PGLYRP2: variants seen among roughly 807,000 people sequenced by gnomAD.
The protein encoded by PGLYRP2 is N-acetylmuramoyl-L-alanine amidase.
In PGLYRP2, 38 loss-of-function variants were observed where a neutral mutation model predicts 46.2. That is an observed-to-expected ratio of 0.82 (90% confidence interval 0.64 to 1.08). The LOEUF is 1.08. Ranked by LOEUF, PGLYRP2 falls within the 50% of genes least tolerant of loss-of-function variation. The probability of loss-of-function intolerance (pLI) is 0.00; values close to 1 mark genes in which losing one functional copy is unlikely to be tolerated. For missense variants in PGLYRP2, 713 were observed against 755.9 expected (o/e 0.94, Z 0.67); for synonymous variants, 289 against 329.4 (o/e 0.88, Z 1.33).
chr19:15,472,016 A>C lies in PGLYRP2; in HGVS notation c.1217T>G (p.Phe406Cys). 1 of 1,613,398 alleles carries C rather than the reference A, an allele frequency of 6.2e-7. No homozygotes were observed. Among genetic ancestry groups the C allele is most frequent in the Non-Finnish European group, 8.5e-7 (1 of 1,179,954 alleles). The change falls in exon 3 of 5, where the codon TTC (phenylalanine) becomes TGC (cysteine). Residue 406 changes from phenylalanine (F) to cysteine (C), a missense_variant. Transcript: ENST00000340880. ...CACGTAGGTGTGATGCACGTACAAGAATCCCAGCGGCAGCTGCAGCAGCTT... is the reference window on the plus strand; with the variant it reads ...CACGTAGGTGTGATGCACGTACAAGCATCCCAGCGGCAGCTGCAGCAGCTT... ...RPKLLQLPLG[F>C]LYVHHTYVPA...
In PGLYRP2 at chr19:15,476,306, C is replaced by T. The variant is rs749044669; in HGVS notation, c.364G>A (p.Glu122Lys). Residue 122 changes from glutamate to lysine, a missense_variant, in exon 2 of 5, where the codon GAG becomes AAG. Glu to Lys is a moderately conservative substitution (Grantham distance 56, BLOSUM62 1). Coordinates refer to ENST00000340880, the MANE Select transcript of PGLYRP2 (RefSeq NM_052890.4). ...LAPDGSTVAVEPLLAGLEAGL... is the reference protein window; with the variant it reads ...LAPDGSTVAVKPLLAGLEAGL... ...GCCTCCAGCCCCGCCAGCAGAGGCT[C>T]CACAGCCACGGTCGAGCCATCAGGT... 3 of 1,614,220 alleles carry T rather than the reference C, an allele frequency of 1.9e-6. No homozygotes were observed. The highest frequency in any genetic ancestry group is 2.2e-5 in the South Asian group (2 of 91,088).
Position 15,472,074 on chromosome 19 carries a change from G to T in PGLYRP2, c.1159C>A (p.Arg387Ser). ...CCCCGATAAGGCGCCGCTCCCCAGC[G>T]GCAGCGGGGGTGGATGGCCGGGCAT... is the stretch of plus-strand genomic sequence containing the variant. Reference protein sequence around the residue: ...LGCPAIHPRCRWGAAPYRGRP... With the variant: ...LGCPAIHPRCSWGAAPYRGRP... The change falls in exon 3 of 5, where the codon CGC becomes AGC. Residue 387 changes from arginine (R) to serine (S), a missense_variant. Coordinates refer to ENST00000340880, the MANE Select transcript of PGLYRP2 (RefSeq NM_052890.4). 1.9e-6 allele frequency: 3 copies of T among 1,605,172 alleles called. No homozygotes were observed. The highest frequency in any genetic ancestry group is 2.5e-6 in the Non-Finnish European group (3 of 1,179,718).
chr19:15,476,440 T>C lies in PGLYRP2; in HGVS notation c.230A>G (p.Asn77Ser). The change falls in exon 2 of 5, where the codon AAT becomes AGT. Residue 77 changes from asparagine (N) to serine (S), a missense_variant. Physicochemically the swap from Asn to Ser is conservative, Grantham distance 46. Coordinates refer to ENST00000340880, the MANE Select transcript of PGLYRP2 (RefSeq NM_052890.4). ...TGGGCAGGGATCCAACTCTGTAGCATTGAGGCTCCATGCCCCCAGCAGGAA... is the reference window on the plus strand; with the variant it reads ...TGGGCAGGGATCCAACTCTGTAGCACTGAGGCTCCATGCCCCCAGCAGGAA... Reference protein sequence around the residue: ...YHFLLGAWSLNATELDPCPLS... With the variant: ...YHFLLGAWSLSATELDPCPLS... The C allele has an allele frequency of 3.1e-6, 5 of 1,614,126 alleles. No individual in the cohort carries two copies. In the East Asian group the frequency reaches 8.9e-5, roughly 29 times the overall value.
chr19:15,477,726 T>TTAAAATAAAATAAAAAAAAA (rs1970811268), intron 1 of PGLYRP2, among the ~76,000 whole-genome samples: 1 of 144,304 alleles, frequency 6.9e-6, no homozygotes, highest in Non-Finnish European at 1.5e-5. Context: ...TAAAATTAAA[T>TTAAAATAAAATAAAAAAAAA]TAAAATAAAA....
chr19:15,477,316 A>G (rs1159974457), intron 1 of PGLYRP2, among the ~76,000 whole-genome samples: 2 of 149,152 alleles, frequency 1.3e-5, no homozygotes, highest in East Asian at 2.0e-4. Context: ...TCACTTGAAC[A>G]TGGGAGGTGG....
intron 3 of PGLYRP2, among the ~76,000 whole-genome samples, chr19:15,470,301 T>C (rs113920547): frequency 4.1e-3 from 348 of 84,514 alleles, no homozygotes; most frequent in Non-Finnish European, 7.3e-3. Context: ...TCCTTCTTTC[T>C]TTCTTTCTTT....
chr19:15,478,582 T>C (rs1375652892), intron 1 of PGLYRP2, among the ~76,000 whole-genome samples: 1 of 151,762 alleles, frequency 6.6e-6, no homozygotes. Context: ...TTAAGTTACC[T>C]GCCTAAGGTC....
chr19:15,475,730 A>T lies in PGLYRP2; in HGVS notation c.940T>A (p.Phe314Ile). 1 of 1,613,880 alleles carries T rather than the reference A, an allele frequency of 6.2e-7. No individual in the cohort carries two copies. The highest frequency in any genetic ancestry group is 8.5e-7 in the Non-Finnish European group (1 of 1,179,904). Residue 314 changes from phenylalanine (F) to isoleucine (I), a missense_variant, in exon 2 of 5, where the codon TTC becomes ATC. Phe to Ile is a conservative substitution (Grantham distance 21). Transcript: ENST00000340880. ...YGAGVARDPG[F>I]RSNFRRQNGA... ...TTCTGCCGTCGGAAGTTGCTGCGGA[A>T]CCCTGGGTCTCTGGCCACCCCAGCC... is the stretch of plus-strand genomic sequence containing the variant.
At chr19:15,472,133 G>C in intron 2 of PGLYRP2, 33 bp from the exon 3 acceptor site, 1 of 1,559,446 alleles carries the variant, frequency 6.4e-7, no homozygotes, top group Non-Finnish European at 8.7e-7. Flanking sequence ...CTGGGGTCAG[G>C]AACTGTTTCT....
At chr19:15,470,024 C>CA in intron 3 of PGLYRP2, 95 bp from the exon 4 acceptor site, 1 of 1,249,682 alleles carries the variant, frequency 8.0e-7, no homozygotes, top group Non-Finnish European at 1.0e-6. Flanking sequence ...GTGCCAAGGG[C>CA]CACCGACCCC....
Position 15,475,906 on chromosome 19 carries a change from G to C in PGLYRP2, c.764C>G (p.Pro255Arg), listed in dbSNP as rs370780981. 2 of 1,614,032 alleles carry C rather than the reference G, an allele frequency of 1.2e-6. No homozygotes were observed. The highest frequency in any genetic ancestry group is 1.3e-5 in the African/African-American group (1 of 74,914). Residue 255 changes from proline (P) to arginine (R), a missense_variant, in exon 2 of 5, where the codon CCT (proline) becomes CGT (arginine). By Grantham distance (103) the Pro-to-Arg change is moderately radical. Coordinates refer to ENST00000340880, the MANE Select transcript of PGLYRP2 (RefSeq NM_052890.4). The stretch of plus-strand genomic sequence containing the variant: ...GGGGTCCAAAAGCGTAAAGGTCCGA[G>C]GGGCAGAGAGCTGGTCCCAGCAGCC... ...TEGCWDQLSA[P>R]RTFTLLDPKA...
At position 15,479,413 on chromosome 19, in the gene PGLYRP2, C is replaced by T. The variant is rs1970826186; in HGVS notation, c.-42G>A. 3 of 1,601,856 alleles carry T rather than the reference C, an allele frequency of 1.9e-6. No homozygotes were observed. The highest frequency in any genetic ancestry group is 2.6e-6 in the Non-Finnish European group (3 of 1,172,130). ...CTTCCAAGGGGTATTTCTGGTTGGC[C>T]TCGGCAGAGAACCTCGGCAGTGCTG... is the stretch of plus-strand genomic sequence containing the variant. On this transcript the variant is annotated 5_prime_UTR_variant, in exon 1 of 5. Transcript: ENST00000340880.
In PGLYRP2 at chr19:15,472,079, C is replaced by T; in HGVS notation, c.1154G>A (p.Arg385His). ...ATAAGGCGCCGCTCCCCAGCGGCAG[C>T]GGGGGTGGATGGCCGGGCATCCTAC... ...AFLGCPAIHP[R>H]CRWGAAPYRG... is the part of the protein sequence containing the mutation. The change falls in exon 3 of 5, where the codon CGC becomes CAC. Residue 385 changes from arginine to histidine, a missense_variant. Arg to His is a conservative substitution (Grantham distance 29, BLOSUM62 0). Coordinates refer to ENST00000340880, the MANE Select transcript of PGLYRP2 (RefSeq NM_052890.4). 1.2e-6 allele frequency: 2 copies of T among 1,604,232 alleles called. No individual in the cohort carries two copies. The highest frequency in any genetic ancestry group is 8.5e-7 in the Non-Finnish European group (1 of 1,179,674).
At chr19:15,478,237 C>T (rs995232874) in intron 1 of PGLYRP2, among the ~76,000 whole-genome samples, 1 of 152,094 alleles carries the variant, frequency 6.6e-6, no homozygotes, top group Non-Finnish European at 1.5e-5. Flanking sequence ...ATCCCAGCTA[C>T]TTGGGGGGCT....
chr19:15,473,157 T>G (rs1015644584), intron 2 of PGLYRP2, among the ~76,000 whole-genome samples: 1 of 152,078 alleles, frequency 6.6e-6, no homozygotes, highest in Admixed American at 6.6e-5. Context: ...ACTGGACCCC[T>G]AACTCTTACC....
At chr19:15,471,054 C>T (rs539008969) in intron 3 of PGLYRP2, among the ~76,000 whole-genome samples, 3 of 151,510 alleles carry the variant, frequency 2.0e-5, no homozygotes, top group Non-Finnish European at 4.4e-5. Flanking sequence ...ATCCTCCCAC[C>T]TTAGCCTGCC....
intron 3 of PGLYRP2, among the ~76,000 whole-genome samples, chr19:15,470,315 TGATGGA>T (rs1970736313): frequency 6.7e-6 from 1 of 150,352 alleles, no homozygotes. Flanking sequence ...TTTCTTTTTT[TGATGGA>T]GTTTCACTCT....
In PGLYRP2 at chr19:15,476,247, G is replaced by C; in HGVS notation, c.423C>G (p.Pro141=). Residue 141 remains proline (P), a synonymous_variant, in exon 2 of 5, where the codon CCC becomes CCG. Transcript: ENST00000340880. ...GLQGRRVINL[P]LDSMAAPWET... The stretch of plus-strand genomic sequence containing the variant: ...CCCAAGGGGCAGCCATGCTGTCCAA[G>C]GGCAAATTTATGACCCTGCGCCCTT... 6.2e-7 allele frequency: 1 copy of C among 1,614,194 alleles called. No homozygotes were observed. The highest frequency in any genetic ancestry group is 8.5e-7 in the Non-Finnish European group (1 of 1,180,018).
intron 3 of PGLYRP2, among the ~76,000 whole-genome samples, chr19:15,470,661 G>A (rs576020350): frequency 1.4e-5 from 2 of 143,516 alleles, no homozygotes; most frequent in East Asian, 4.3e-4. Context: ...CTTCCCTTTT[G>A]GAGACGGAGT....
Sources: allele counts gnomAD v4.1 joint callset (sites outside exome capture counted in the v4.1 genomes callset), GRCh38; gene constraint gnomAD v4.1.1; transcripts MANE v1.5; gene names NCBI Gene and HGNC (gene_info 2026-07-23, HGNC 2026-07-21).